The following SPATA33 variants were observed in gnomAD, a reference collection of about 807,000 sequenced individuals.
SPATA33 encodes the protein spermatogenesis-associated protein 33.
In SPATA33, 10 loss-of-function variants were observed where a neutral mutation model predicts 8.9. The observed-to-expected ratio is 1.12, with a 90% CI of 0.69 to 1.90. SPATA33 has a LOEUF of 1.90. Among genes scored for constraint, SPATA33 ranks in the 40% most tolerant of loss-of-function variants. SPATA33 has a pLI of 0.00. For synonymous variants in SPATA33, 96 were observed against 72.8 expected (o/e 1.32, Z -1.63); for missense variants, 241 against 178.3 (o/e 1.35, Z -2.00).
intron 2 of SPATA33, chr16:89,660,654 C>T (rs2059955163): frequency 1.1e-6 from 1 of 913,872 alleles, no homozygotes; most frequent in Non-Finnish European, 1.4e-6. Flanking sequence ...ACTCATGTTG[C>T]AGTTCCCTTT....
intron 2 of SPATA33, 144 bp downstream of exon 2, chr16:89,658,565 C>G: frequency 9.4e-7 from 1 of 1,064,894 alleles, no homozygotes. Context: ...GTTTTGGGAA[C>G]TTTATGTAGG....
At chr16:89,657,970 G>C in intron 1 of SPATA33, 22 bp downstream of exon 1, 1 of 1,507,160 alleles carries the variant, frequency 6.6e-7, no homozygotes, top group Non-Finnish European at 8.8e-7. Context: ...GCAGGCGCTG[G>C]GCTCCCCGCG....
At chr16:89,663,035 AC>A (rs754837875) in intron 2 of SPATA33, among the ~76,000 whole-genome samples, 3 of 150,198 alleles carry the variant, frequency 2.0e-5, no homozygotes, top group Non-Finnish European at 4.4e-5. Flanking sequence ...TTTGTGAACC[AC>A]CCGCCTCAGC....
In SPATA33 at chr16:89,658,354, G is replaced by C; in HGVS notation, c.144G>C (p.Lys48Asn). 6.2e-7 allele frequency: 1 copy of C among 1,613,798 alleles called. No individual in the cohort carries two copies. Among genetic ancestry groups the C allele is most frequent in the Non-Finnish European group, 8.5e-7 (1 of 1,180,032 alleles). Residue 48 changes from lysine (K) to asparagine (N), a missense_variant, in exon 2 of 3, where the codon AAG becomes AAC. By Grantham distance (94) the Lys-to-Asn change is moderately conservative. Coordinates refer to ENST00000579310, the MANE Select transcript of SPATA33 (RefSeq NM_001271907.2). ...EARQADRESE[K>N]PVDSLHPGAG... ...GGCAGGCAGACAGGGAGTCGGAGAA[G>C]CCTGTGGACAGCCTCCACCCGGGGG...
chr16:89,665,290 T>C (rs909225921), intron 2 of SPATA33, among the ~76,000 whole-genome samples: 20 of 150,304 alleles, frequency 1.3e-4, no homozygotes, highest in African/African-American at 4.9e-4. Context: ...CCACCGCACC[T>C]GGCCCAAGAT....
rs370263613 is a variant in SPATA33, at chr16:89,663,083, C to T, written c.211+4662C>T. ...CCAGTGTTACAGGTGTGAGCCACCACGCCCGGCCTGTAACATTTTCATGAA... is the reference window on the plus strand; with the variant it reads ...CCAGTGTTACAGGTGTGAGCCACCATGCCCGGCCTGTAACATTTTCATGAA... On this transcript the variant is annotated intron_variant, in intron 2 of 2. Coordinates refer to ENST00000579310, the MANE Select transcript of SPATA33 (RefSeq NM_001271907.2). Among the ~76,000 whole-genome samples, 15 of 151,764 alleles carry T rather than the reference C, an allele frequency of 9.9e-5. No individual in the cohort carries two copies. In the East Asian group the frequency reaches 2.0e-3, roughly 20 times the overall value.
intron 2 of SPATA33, among the ~76,000 whole-genome samples, chr16:89,666,926 AG>A (rs906074967): frequency 6.6e-5 from 10 of 152,256 alleles, no homozygotes; most frequent in African/African-American, 2.4e-4. Flanking sequence ...AGGCAGAGCC[AG>A]GTGTACAGGA....
intron 2 of SPATA33, 60 bp from the exon 3 acceptor site, chr16:89,669,226 G>C (rs1415580854): frequency 2.7e-6 from 4 of 1,476,274 alleles, no homozygotes; most frequent in Non-Finnish European, 1.9e-6. Context: ...CAGGAGGTGT[G>C]TGCATCGTGG....
intron 2 of SPATA33, among the ~76,000 whole-genome samples, chr16:89,666,530 G>C (rs2060027707): frequency 6.6e-6 from 1 of 152,170 alleles, no homozygotes; most frequent in African/African-American, 2.4e-5. Context: ...GGGTGTGGTG[G>C]TGTGTAGGGT....
At chr16:89,662,370 A>G (rs896162729) in intron 2 of SPATA33, among the ~76,000 whole-genome samples, 6 of 151,562 alleles carry the variant, frequency 4.0e-5, no homozygotes, top group Admixed American at 2.6e-4. Flanking sequence ...TGAGTGCTCT[A>G]TAGGTGCAGG....
chr16:89,669,243 C>T lies in SPATA33; in HGVS notation c.212-43C>T, dbSNP rs368786165. On this transcript the variant is annotated intron_variant, in intron 2 of 2. Coordinates refer to ENST00000579310, the MANE Select transcript of SPATA33 (RefSeq NM_001271907.2). ...GGAGGTGTGTGCATCGTGGAAGGAGCTTTCCACACATCTACTAAATGCCTG... is the reference window on the plus strand; with the variant it reads ...GGAGGTGTGTGCATCGTGGAAGGAGTTTTCCACACATCTACTAAATGCCTG... 4.9e-5 allele frequency: 77 copies of T among 1,582,498 alleles called. No homozygotes were observed. The Middle Eastern group carries it at 3.5e-3, about 72-fold the overall frequency.
chr16:89,658,527 G>A (rs1472300342), intron 2 of SPATA33, 106 bp downstream of exon 2: 71 of 1,404,618 alleles, frequency 5.1e-5, no homozygotes, highest in Non-Finnish European at 6.1e-5. Flanking sequence ...CTAGTAGCAG[G>A]CACGCGCCGT....
rs776579033 is a variant in SPATA33, at chr16:89,669,411, A to C, written c.337A>C (p.Ile113Leu). ...SSSGSDQQRT[I>L]REPEDWGPYR... is the part of the protein sequence containing the mutation. ...CAGCGGGAGTGACCAGCAGAGAACC[A>C]TTCGGGAGCCGGAGGACTGGGGCCC... is the stretch of plus-strand genomic sequence containing the variant. The change falls in exon 3 of 3, where the codon ATT (isoleucine) becomes CTT (leucine). Residue 113 changes from isoleucine (I) to leucine (L), a missense_variant. Physicochemically the swap from Ile to Leu is conservative, Grantham distance 5. Transcript: ENST00000579310. 1 of 1,614,180 alleles carries C rather than the reference A, an allele frequency of 6.2e-7. No individual in the cohort carries two copies. Among genetic ancestry groups the C allele is most frequent in the Non-Finnish European group, 8.5e-7 (1 of 1,180,020 alleles).
chr16:89,668,666 AG>A (rs1239387180), intron 2 of SPATA33, among the ~76,000 whole-genome samples: 2 of 151,180 alleles, frequency 1.3e-5, no homozygotes, highest in African/African-American at 4.9e-5. Context: ...CACTCCACGA[AG>A]GGGGTGGGCG....
intron 2 of SPATA33, chr16:89,661,421 C>T (rs1029531866): frequency 7.4e-5 from 12 of 161,826 alleles, no homozygotes; most frequent in East Asian, 1.9e-4. Context: ...AGATGTGACT[C>T]GCTCCTCCCT....
rs1567496068 is a variant in SPATA33, at chr16:89,670,046, G to A, written c.*549G>A. On this transcript the variant is annotated 3_prime_UTR_variant, in exon 3 of 3. Transcript: ENST00000579310. Reference sequence around the variant, plus strand: ...AGTGCTTTTGGGGAGGGTGCACCAGGGCCACCCCACCCTGTGAGAAGCCGT... The same window carrying A: ...AGTGCTTTTGGGGAGGGTGCACCAGAGCCACCCCACCCTGTGAGAAGCCGT... The A allele has an allele frequency of 6.8e-6, 1 of 148,134 alleles. No homozygotes were observed. The highest frequency in any genetic ancestry group is 1.4e-5 in the Non-Finnish European group (1 of 69,004). 9.2% of individuals were successfully genotyped at this position (148,134 alleles called of 1,614,324 possible). A position where few individuals can be genotyped will look rare whatever the true frequency, so the allele number is the denominator to read the frequency against.
At chr16:89,660,702 A>G (rs1212160487) in intron 2 of SPATA33, 1 of 745,716 alleles carries the variant, frequency 1.3e-6, no homozygotes, top group Non-Finnish European at 1.8e-6. Flanking sequence ...TACAGAGAGA[A>G]GCAGATGAGT....
At position 89,664,659 on chromosome 16, in the gene SPATA33, C is replaced by A. The variant is rs142497008; in HGVS notation, c.212-4627C>A. Among the ~76,000 whole-genome samples, 468 of 151,180 alleles carry A rather than the reference C, an allele frequency of 3.1e-3. 58 individuals carry two copies. The East Asian group carries it at 0.086, about 28-fold the overall frequency. On this transcript the variant is annotated intron_variant, in intron 2 of 2. Coordinates refer to ENST00000579310, the MANE Select transcript of SPATA33 (RefSeq NM_001271907.2). ...AGCCAGACAGTAAAAGTGTCAGAGG[C>A]TCTTTAGGGCCCGACCTGATCAGGG... is the stretch of plus-strand genomic sequence containing the variant.
chr16:89,660,463 A>G lies in SPATA33; in HGVS notation c.211+2042A>G, dbSNP rs79088174. The stretch of plus-strand genomic sequence containing the variant: ...CAGAGGGTGGGGGAGGAAGGTGGAC[A>G]TGAAGGGAAAACAGCAGAGCAAGAG... On this transcript the variant is annotated intron_variant, in intron 2 of 2. Transcript: ENST00000579310. 4,265 of 1,231,888 alleles carry G rather than the reference A, an allele frequency of 3.5e-3. 122 individuals are homozygous for G. In the African/African-American group the frequency reaches 0.06, roughly 17 times the overall value. 76.3% of individuals were successfully genotyped at this position (1,231,888 alleles called of 1,614,324 possible).
Sources: allele counts gnomAD v4.1 joint callset (sites outside exome capture counted in the v4.1 genomes callset), GRCh38; gene constraint gnomAD v4.1.1; transcripts MANE v1.5; gene names NCBI Gene and HGNC (gene_info 2026-07-23, HGNC 2026-07-21).